MIGA1: variants seen among roughly 807,000 people sequenced by gnomAD.
MIGA1 encodes mitoguardin 1.
Under a neutral mutation model 82.0 loss-of-function variants are expected in MIGA1, and 58 were observed. The observed-to-expected ratio is 0.71, with a 90% CI of 0.57 to 0.88. The LOEUF (loss-of-function observed/expected upper bound fraction) is 0.88. Ranked by LOEUF, MIGA1 falls within the 40% of genes least tolerant of loss-of-function variation. The pLI, the probability that MIGA1 is intolerant of heterozygous loss-of-function variation, is 0.00. For missense variants in MIGA1, 751 were observed against 749.1 expected, an observed-to-expected ratio of 1.00 and a Z score of -0.03; for synonymous variants, 249 against 253.6, an observed-to-expected ratio of 0.98 and a Z score of 0.17.
chr1:77,861,125 C>G (rs1685439469), intron 11 of MIGA1, 99 bp from the exon 12 acceptor site: 1 of 730,760 alleles, frequency 1.4e-6, no homozygotes, highest in African/African-American at 1.8e-5. Context: ...GTTCAGTTAC[C>G]TAGTAGAATT....
At chr1:77,810,805 G>A in intron 5 of MIGA1, 1 of 1,568,414 alleles carries the variant, frequency 6.4e-7, no homozygotes, top group South Asian at 1.1e-5. Context: ...ACAGAGCTAT[G>A]ATGGTTTCTA....
chr1:77,848,616 G>A, intron 8 of MIGA1: 4 of 1,477,992 alleles, frequency 2.7e-6, no homozygotes, highest in Non-Finnish European at 3.7e-6. Flanking sequence ...AATCATCACT[G>A]GGAGCAAAAC....
intron 2 of MIGA1, among the ~76,000 whole-genome samples, chr1:77,796,927 C>A (rs1214346698): frequency 7.2e-5 from 11 of 152,156 alleles, no homozygotes; most frequent in Non-Finnish European, 1.6e-4. Flanking sequence ...GTTCTTCATC[C>A]CCAGAGTTCC....
At chr1:77,812,330 A>AT (rs1215898191) in intron 5 of MIGA1, among the ~76,000 whole-genome samples, 1 of 152,082 alleles carries the variant, frequency 6.6e-6, no homozygotes, top group Non-Finnish European at 1.5e-5. Context: ...TTAGCTGGGC[A>AT]TGGTGGTACA....
Position 77,791,571 on chromosome 1 carries a change from T to G in MIGA1, c.195+8220T>G, listed in dbSNP as rs1003591909. Among the ~76,000 whole-genome samples, 6 of 151,134 alleles carry G rather than the reference T, an allele frequency of 4.0e-5. No individual in the cohort carries two copies. In the East Asian group the frequency reaches 1.2e-3, roughly 29 times the overall value. ...AGTAGATATTTAAGTTTTTTTTTTT[T>G]TTTTTTTTTTTAAACAGAGTCTTGC... is the stretch of plus-strand genomic sequence containing the variant. On this transcript the variant is annotated intron_variant, in intron 2 of 15. Coordinates refer to ENST00000370791, the MANE Select transcript of MIGA1 (RefSeq NM_198549.4).
intron 8 of MIGA1, chr1:77,848,834 AC>A: frequency 1.8e-6 from 2 of 1,124,488 alleles, no homozygotes; most frequent in Non-Finnish European, 2.4e-6. Context: ...TTAAGGAAGC[AC>A]AGAAAACTGT....
chr1:77,796,309 G>A (rs1259936977), intron 2 of MIGA1, among the ~76,000 whole-genome samples: 2 of 151,746 alleles, frequency 1.3e-5, no homozygotes, highest in Non-Finnish European at 2.9e-5. Flanking sequence ...TAGTAGAGAC[G>A]GGGTTTCACC....
Position 77,839,720 on chromosome 1 carries a change from A to T in MIGA1, c.896-3587A>T, listed in dbSNP as rs56010524. ...TGCTGTCACTGTCTTTCAGTACCAC[A>T]GTCGAGTTGATAAAACTTTTTATTA... On this transcript the variant is annotated intron_variant, in intron 7 of 15. Coordinates refer to ENST00000370791, the MANE Select transcript of MIGA1 (RefSeq NM_198549.4). 2.2e-3 allele frequency among the ~76,000 whole-genome samples: 339 copies of T among 152,118 alleles called. 1 individual carries two copies. Among genetic ancestry groups the T allele is most frequent in the African/African-American group, 7.9e-3 (327 of 41,498 alleles).
Position 77,813,807 on chromosome 1 carries a change from T to G in MIGA1, c.711T>G (p.Asp237Glu). 1 of 1,614,222 alleles carries G rather than the reference T, an allele frequency of 6.2e-7. No individual in the cohort carries two copies. Reference sequence around the variant, plus strand: ...CCTTTCGCAATAGACAGGCTGAAGATGAAGCCTGTGGTTCCATTAAACTGG... The same window carrying G: ...CCTTTCGCAATAGACAGGCTGAAGAGGAAGCCTGTGGTTCCATTAAACTGG... The change falls in exon 6 of 16, where the codon GAT becomes GAG. Residue 237 changes from aspartate (D) to glutamate (E), a missense_variant. Asp to Glu is a conservative substitution (Grantham distance 45, BLOSUM62 2). Coordinates refer to ENST00000370791, the MANE Select transcript of MIGA1 (RefSeq NM_198549.4).
intron 13 of MIGA1, 129 bp from the exon 14 acceptor site, chr1:77,866,209 C>A: frequency 1.3e-6 from 1 of 787,270 alleles, no homozygotes; most frequent in Non-Finnish European, 2.0e-6. Context: ...GCCACTGTGC[C>A]CGGCCGACTA....
At chr1:77,861,392 T>C (rs902970177) in intron 12 of MIGA1, 70 bp downstream of exon 12, 2 of 962,454 alleles carry the variant, frequency 2.1e-6, no homozygotes, top group African/African-American at 3.3e-5. Context: ...GAGTTGAGAC[T>C]ACTGTTTCAT....
chr1:77,791,189 G>C (rs1173559632), intron 2 of MIGA1, among the ~76,000 whole-genome samples: 1 of 146,494 alleles, frequency 6.8e-6, no homozygotes, highest in Non-Finnish European at 1.5e-5. Flanking sequence ...GATGTATTAA[G>C]CTCTGATTGC....
intron 7 of MIGA1, among the ~76,000 whole-genome samples, chr1:77,839,119 T>G (rs1391386319): frequency 6.6e-6 from 1 of 152,172 alleles, no homozygotes; most frequent in Non-Finnish European, 1.5e-5. Context: ...AAAGCCATCT[T>G]GAACTTTCAT....
intron 5 of MIGA1, chr1:77,811,738 C>T (rs1683340455): frequency 6.2e-7 from 1 of 1,610,708 alleles, no homozygotes; most frequent in Admixed American, 1.7e-5. Context: ...TCTCCTAAAA[C>T]TGGCGCCCCA....
At chr1:77,823,137 G>A (rs1432267887) in intron 7 of MIGA1, among the ~76,000 whole-genome samples, 5 of 151,970 alleles carry the variant, frequency 3.3e-5, no homozygotes, top group African/African-American at 4.8e-5. Context: ...CACCACGCCC[G>A]GCCCAGCATG....
At chr1:77,832,126 T>G (rs1034527728) in intron 7 of MIGA1, among the ~76,000 whole-genome samples, 2 of 152,218 alleles carry the variant, frequency 1.3e-5, no homozygotes, top group Non-Finnish European at 2.9e-5. Context: ...TTTTTGTGGC[T>G]GAAACAGAGG....
At chr1:77,873,367 C>T (rs1305922673) in intron 15 of MIGA1, among the ~76,000 whole-genome samples, 1 of 152,152 alleles carries the variant, frequency 6.6e-6, no homozygotes, top group Non-Finnish European at 1.5e-5. Context: ...CTCAGCATAT[C>T]CATTCACCTT....
At chr1:77,814,965 C>G (rs1188343427) in intron 6 of MIGA1, 143 bp from the exon 7 acceptor site, 4 of 489,770 alleles carry the variant, frequency 8.2e-6, no homozygotes, top group Non-Finnish European at 1.3e-5. Context: ...CTCTTGACTT[C>G]TGCTGCTGTA....
At chr1:77,870,492 C>T (rs1685922745) in intron 14 of MIGA1, among the ~76,000 whole-genome samples, 4 of 112,204 alleles carry the variant, frequency 3.6e-5, no homozygotes, top group African/African-American at 1.4e-4. Flanking sequence ...GATGGGCGGC[C>T]GGGCAGAGAC....
Sources: allele counts gnomAD v4.1 joint callset (sites outside exome capture counted in the v4.1 genomes callset), GRCh38; gene constraint gnomAD v4.1.1; transcripts MANE v1.5; gene names NCBI Gene and HGNC (gene_info 2026-07-23, HGNC 2026-07-21).